PBX1: variants seen among roughly 807,000 people sequenced by gnomAD.
The protein encoded by PBX1 is pre-B-cell leukemia transcription factor 1.
In PBX1, 6 loss-of-function variants were observed where a neutral mutation model predicts 53.4. The ratio of observed to expected loss-of-function variants is 0.11; its 90% CI spans 0.06 to 0.22. The LOEUF is 0.22. Ranked by LOEUF, PBX1 falls within the 10% of genes least tolerant of loss-of-function variation. PBX1 has a pLI of 1.00. For synonymous variants in PBX1, 204 were observed against 212.3 expected, an observed-to-expected ratio of 0.96 and a Z score of 0.34; for missense variants, 251 against 551.4, an observed-to-expected ratio of 0.46 and a Z score of 5.46.
intron 2 of PBX1, among the ~76,000 whole-genome samples, chr1:164,619,188 C>A (rs985364247): frequency 6.6e-6 from 1 of 152,128 alleles, no homozygotes; most frequent in East Asian, 1.9e-4. Context: ...ACCTTTGATT[C>A]CCTCTTTAGC....
At chr1:164,865,782 C>T (rs1172319791) in intron 2 of PBX1, among the ~76,000 whole-genome samples, 1 of 152,078 alleles carries the variant, frequency 6.6e-6, no homozygotes, top group Non-Finnish European at 1.5e-5. Flanking sequence ...ATCTATTGTC[C>T]TAAACATTGC....
chr1:164,681,061 C>T (rs192697648), intron 2 of PBX1, among the ~76,000 whole-genome samples: 47 of 151,620 alleles, frequency 3.1e-4, no homozygotes, highest in South Asian at 4.2e-4. Context: ...CCCAGGAGTT[C>T]GAGACCAGCC....
intron 2 of PBX1, among the ~76,000 whole-genome samples, chr1:164,743,129 A>G (rs907906922): frequency 6.6e-6 from 1 of 152,120 alleles, no homozygotes; most frequent in Non-Finnish European, 1.5e-5. Context: ...CTGTAGTGGT[A>G]TTTTAGCTAT....
At chr1:164,809,883 G>A (rs995667404) in intron 5 of PBX1, among the ~76,000 whole-genome samples, 3 of 152,042 alleles carry the variant, frequency 2.0e-5, no homozygotes, top group African/African-American at 4.8e-5. Context: ...GCATCCCCTG[G>A]GAGCCTGTTA....
intron 2 of PBX1, among the ~76,000 whole-genome samples, chr1:164,623,656 C>G (rs770684947): frequency 6.6e-6 from 1 of 152,180 alleles, no homozygotes; most frequent in East Asian, 1.9e-4. Context: ...CTCTCTGTGT[C>G]TCTGTCTATG....
chr1:164,629,537 A>G (rs1166114177), intron 2 of PBX1, among the ~76,000 whole-genome samples: 3 of 152,144 alleles, frequency 2.0e-5, no homozygotes, highest in Non-Finnish European at 4.4e-5. Flanking sequence ...GGAAACTGAG[A>G]CCCAAAGGGG....
At chr1:164,835,270 A>C (rs1445372072) in intron 8 of PBX1, among the ~76,000 whole-genome samples, 5 of 151,042 alleles carry the variant, frequency 3.3e-5, no homozygotes, top group Admixed American at 3.3e-4. Flanking sequence ...TATTATTAAT[A>C]ACACGGTGGT....
chr1:164,763,826 T>C (rs1419489168), intron 2 of PBX1, among the ~76,000 whole-genome samples: 1 of 152,248 alleles, frequency 6.6e-6, no homozygotes, highest in African/African-American at 2.4e-5. Context: ...AATCATGCCA[T>C]GGTGAGCAAT....
chr1:164,702,219 T>C (rs974770382), intron 2 of PBX1, among the ~76,000 whole-genome samples: 1 of 151,948 alleles, frequency 6.6e-6, no homozygotes, highest in African/African-American at 2.4e-5. Context: ...CATATATAGA[T>C]TAAAATGTTT....
At chr1:164,794,772 A>C (rs1175160016) in intron 3 of PBX1, among the ~76,000 whole-genome samples, 1 of 152,188 alleles carries the variant, frequency 6.6e-6, no homozygotes, top group African/African-American at 2.4e-5. Context: ...ACCTTCACCA[A>C]TAACCCTGTC....
chr1:164,655,826 T>A (rs148737878), intron 2 of PBX1, among the ~76,000 whole-genome samples: 1 of 152,292 alleles, frequency 6.6e-6, no homozygotes, highest in Non-Finnish European at 1.5e-5. Context: ...CAATATGCAG[T>A]GAAACTACTA....
rs1189712031 is a variant in PBX1, at chr1:164,573,524, C to G, written c.265+10213C>G. Among the ~76,000 whole-genome samples, 3 of 133,200 alleles carry G rather than the reference C, an allele frequency of 2.3e-5. No individual in the cohort carries two copies. In the Admixed American group the frequency reaches 2.5e-4, roughly 11 times the overall value. 87.4% of individuals were successfully genotyped at this position (133,200 alleles called of 152,430 possible). On this transcript the variant is annotated intron_variant, in intron 2 of 8. Transcript: ENST00000420696. ...TTTTTTTTTTAAAGACAGTGTCTCTCTCTGTCATCCAGGCTGGAGTGCAGT... is the reference window on the plus strand; with the variant it reads ...TTTTTTTTTTAAAGACAGTGTCTCTGTCTGTCATCCAGGCTGGAGTGCAGT...
chr1:164,610,668 C>G (rs1656859628), intron 2 of PBX1, among the ~76,000 whole-genome samples: 1 of 152,152 alleles, frequency 6.6e-6, no homozygotes, highest in African/African-American at 2.4e-5. Context: ...CTCTGGTTCA[C>G]CAAGGACCTT....
chr1:164,730,515 T>G (rs1664920011), intron 2 of PBX1, among the ~76,000 whole-genome samples: 1 of 152,210 alleles, frequency 6.6e-6, no homozygotes, highest in Admixed American at 6.5e-5. Context: ...TATTCCCTCC[T>G]CTACCCTTTC....
chr1:164,719,179 G>A (rs1332547699), intron 2 of PBX1, among the ~76,000 whole-genome samples: 4 of 152,184 alleles, frequency 2.6e-5, no homozygotes, highest in East Asian at 3.9e-4. Flanking sequence ...GGTTAGGATG[G>A]TGTCCCAGGA....
chr1:164,663,220 G>GCCTT (rs1660604722), intron 2 of PBX1, among the ~76,000 whole-genome samples: 1 of 136,318 alleles, frequency 7.3e-6, no homozygotes, highest in Non-Finnish European at 1.6e-5. Context: ...CTGCCTTCCT[G>GCCTT]CCTTCCTGCC....
chr1:164,750,140 T>A (rs1666118859), intron 2 of PBX1, among the ~76,000 whole-genome samples: 1 of 122,028 alleles, frequency 8.2e-6, no homozygotes, highest in South Asian at 3.9e-4. Flanking sequence ...AACTGGGGGC[T>A]AGTTGGTGTG....
chr1:164,818,913 G>A (rs901065552), intron 6 of PBX1: 4 of 152,176 alleles, frequency 2.6e-5, no homozygotes, highest in African/African-American at 7.2e-5. Context: ...AAGTGTCAGA[G>A]CTGAGGCATG....
At chr1:164,667,739 G>T (rs145860284) in intron 2 of PBX1, among the ~76,000 whole-genome samples, 2 of 152,346 alleles carry the variant, frequency 1.3e-5, no homozygotes, top group East Asian at 3.9e-4. Context: ...TTGTGCAGGA[G>T]TGAGCCGTTT....
Sources: allele counts gnomAD v4.1 joint callset (sites outside exome capture counted in the v4.1 genomes callset), GRCh38; gene constraint gnomAD v4.1.1; transcripts MANE v1.5; gene names NCBI Gene and HGNC (gene_info 2026-07-23, HGNC 2026-07-21).